The following ULK4 variants were observed in gnomAD, a reference collection of about 807,000 sequenced individuals.
ULK4 encodes the protein unc-51 like kinase 4.
ULK4 carries 133 observed loss-of-function variants against 160.6 expected under a neutral mutation model. The observed-to-expected ratio is 0.83, with a 90% confidence interval of 0.72 to 0.96. The LOEUF (loss-of-function observed/expected upper bound fraction) is 0.96. Among genes scored for constraint, ULK4 ranks in the 40% least tolerant of loss-of-function variants. The pLI is 0.00. For synonymous variants in ULK4, 534 were observed against 539.8 expected, an observed-to-expected ratio of 0.99 and a Z score of 0.15; for missense variants, 1,580 against 1,499.5, an observed-to-expected ratio of 1.05 and a Z score of -0.89.
intron 17 of ULK4, among the ~76,000 whole-genome samples, chr3:41,853,369 T>C (rs950488618): frequency 6.6e-6 from 1 of 152,082 alleles, no homozygotes; most frequent in East Asian, 1.9e-4. Flanking sequence ...CCCCCAGAGA[T>C]ATGGATTAAA....
chr3:41,449,652 C>T (rs1447063758), intron 34 of ULK4, among the ~76,000 whole-genome samples: 1 of 152,000 alleles, frequency 6.6e-6, no homozygotes, highest in Admixed American at 6.6e-5. Flanking sequence ...GGAGAACAGG[C>T]AAGTACAAGT....
In ULK4 at chr3:41,648,707, T is replaced by C. The variant is rs1447375900; in HGVS notation, c.3071+14900A>G. 3.3e-5 allele frequency among the ~76,000 whole-genome samples: 5 copies of C among 152,124 alleles called. No individual in the cohort carries two copies. In the South Asian group the frequency reaches 6.2e-4, roughly 19 times the overall value. Reference sequence around the variant, plus strand: ...CCACTTGTGACACTTCTCTTCTCCTTTAGGGAATGTTGAGGGAGGAGGGTA... The same window carrying C: ...CCACTTGTGACACTTCTCTTCTCCTCTAGGGAATGTTGAGGGAGGAGGGTA... On this transcript the variant is annotated intron_variant, in intron 30 of 36. Transcript: ENST00000301831.
At chr3:41,437,426 T>C (rs1287480978) in intron 34 of ULK4, among the ~76,000 whole-genome samples, 3 of 152,232 alleles carry the variant, frequency 2.0e-5, no homozygotes, top group African/African-American at 7.2e-5. Flanking sequence ...AAAATCACTA[T>C]GTAGATATTT....
intron 22 of ULK4, among the ~76,000 whole-genome samples, chr3:41,728,528 C>G (rs952974097): frequency 6.6e-6 from 1 of 152,098 alleles, no homozygotes; most frequent in Non-Finnish European, 1.5e-5. Context: ...AGCACCACCT[C>G]CAACAACGCA....
intron 35 of ULK4, among the ~76,000 whole-genome samples, chr3:41,341,621 G>A (rs563964004): frequency 6.6e-6 from 1 of 152,242 alleles, no homozygotes; most frequent in East Asian, 1.9e-4. Context: ...AAGACCAAGG[G>A]AAAAGAACAA....
At chr3:41,333,353 AT>A (rs2080487053) in intron 35 of ULK4, among the ~76,000 whole-genome samples, 3 of 152,212 alleles carry the variant, frequency 2.0e-5, no homozygotes, top group African/African-American at 7.2e-5. Context: ...TGTGATTGGG[AT>A]ACCTTTTACA....
At chr3:41,432,542 G>T (rs754456090) in intron 34 of ULK4, among the ~76,000 whole-genome samples, 1 of 152,102 alleles carries the variant, frequency 6.6e-6, no homozygotes, top group African/African-American at 2.4e-5. Flanking sequence ...TGGTACAAAA[G>T]AATCACTATC....
At chr3:41,507,307 A>C (rs867646108) in intron 32 of ULK4, among the ~76,000 whole-genome samples, 2 of 152,002 alleles carry the variant, frequency 1.3e-5, no homozygotes, top group Non-Finnish European at 2.9e-5. Context: ...AATTGTGAAA[A>C]CTACTACTGT....
chr3:41,687,955 G>A (rs962432329), intron 27 of ULK4: 4 of 152,166 alleles, frequency 2.6e-5, no homozygotes, highest in East Asian at 1.9e-4. Flanking sequence ...CTCTCAACCC[G>A]AAGCTAAGTT....
At chr3:41,842,139 CAAAAAAAAAA>C (rs60925540) in intron 17 of ULK4, among the ~76,000 whole-genome samples, 1 of 68,782 alleles carries the variant, frequency 1.5e-5, no homozygotes, top group African/African-American at 4.8e-5. Flanking sequence ...TCAATAAATA[CAAAAAAAAAA>C]AAAAGAAAAT....
chr3:41,691,365 C>T (rs2036291650), intron 27 of ULK4, among the ~76,000 whole-genome samples: 1 of 151,914 alleles, frequency 6.6e-6, no homozygotes, highest in South Asian at 2.1e-4. Flanking sequence ...AAACTTGAGT[C>T]TCTCAAGTTG....
chr3:41,919,002 G>A (rs998681243), intron 6 of ULK4, among the ~76,000 whole-genome samples: 1 of 152,060 alleles, frequency 6.6e-6, no homozygotes. Flanking sequence ...TAGTATGTAC[G>A]AGGCACTGCC....
chr3:41,735,397 A>G (rs1430857076), intron 22 of ULK4, among the ~76,000 whole-genome samples: 1 of 152,168 alleles, frequency 6.6e-6, no homozygotes, highest in Non-Finnish European at 1.5e-5. Flanking sequence ...AACTTAATTC[A>G]GGCTTCTCCT....
rs189275218 is a variant in ULK4 at position 41,365,606 on chromosome 3, T to G, written c.3678+32473A>C. Among the ~76,000 whole-genome samples, 418 of 152,304 alleles carry G rather than the reference T, an allele frequency of 2.7e-3. 10 individuals are homozygous for G. Among genetic ancestry groups the G allele is most frequent in the African/African-American group, 9.7e-3 (405 of 41,564 alleles). On this transcript the variant is annotated intron_variant, in intron 35 of 36. Coordinates refer to ENST00000301831, the MANE Select transcript of ULK4 (RefSeq NM_017886.4). The stretch of plus-strand genomic sequence containing the variant: ...TCATAACAATTTTATGGTAGAAATA[T>G]CATTATGTCTAGTTTTTTATGATAG...
intron 30 of ULK4, among the ~76,000 whole-genome samples, chr3:41,662,986 C>T (rs1174999007): frequency 2.0e-5 from 3 of 151,780 alleles, no homozygotes; most frequent in Non-Finnish European, 4.4e-5. Context: ...TTTGGGAGGC[C>T]GAGGTGGGTG....
chr3:41,824,975 G>A (rs1030076247), intron 18 of ULK4, among the ~76,000 whole-genome samples: 1 of 152,196 alleles, frequency 6.6e-6, no homozygotes, highest in Admixed American at 6.5e-5. Context: ...ACTTCCAGAG[G>A]AACAATCGGG....
intron 35 of ULK4, among the ~76,000 whole-genome samples, chr3:41,319,709 T>C (rs1205895580): frequency 1.3e-5 from 2 of 152,242 alleles, no homozygotes; most frequent in East Asian, 3.8e-4. Flanking sequence ...TTTATATGTA[T>C]TAATCTCATG....
chr3:41,549,126 A>C (rs1033900185), intron 32 of ULK4, among the ~76,000 whole-genome samples: 5 of 152,194 alleles, frequency 3.3e-5, no homozygotes, highest in African/African-American at 1.2e-4. Context: ...ATAAGGACAT[A>C]AGAGAAATGA....
At chr3:41,517,194 A>T (rs1365195726) in intron 32 of ULK4, among the ~76,000 whole-genome samples, 2 of 148,780 alleles carry the variant, frequency 1.3e-5, no homozygotes, top group African/African-American at 4.9e-5. Context: ...CATCAGAATG[A>T]CTAAAATCCA....
Sources: gnomAD v4.1 joint callset for allele counts (sites outside exome capture counted in the v4.1 genomes callset) on GRCh38, gnomAD v4.1.1 for gene constraint, MANE v1.5 for transcripts, NCBI Gene and HGNC (gene_info 2026-07-23, HGNC 2026-07-21) for gene names.